Variants in BTN1A1 observed in about 807,000 individuals in gnomAD.
The protein encoded by BTN1A1 is butyrophilin subfamily 1 member A1, also known as bK14H9.2 (butyrophilin, subfamily 1, member A1).
BTN1A1 carries 26 observed loss-of-function variants against 33.1 expected under a neutral mutation model. The observed-to-expected ratio is 0.79, with a 90% confidence interval of 0.58 to 1.09. BTN1A1 has a LOEUF of 1.09. Among genes scored for constraint, BTN1A1 ranks in the 50% least tolerant of loss-of-function variants. BTN1A1 has a pLI of 0.00. For missense variants in BTN1A1, 558 were observed against 655.7 expected (o/e 0.85, Z 1.63); for synonymous variants, 235 against 256.2 (o/e 0.92, Z 0.79).
chr6:26,503,274 A>G (rs1023924133), intron 3 of BTN1A1, among the ~76,000 whole-genome samples: 5 of 152,114 alleles, frequency 3.3e-5, no homozygotes, highest in African/African-American at 9.7e-5. Context: ...ACTTTTGATC[A>G]GGATATTCAA....
At chr6:26,506,976 T>C in intron 5 of BTN1A1, 144 bp downstream of exon 5, 1 of 1,042,558 alleles carries the variant, frequency 9.6e-7, no homozygotes, top group Non-Finnish European at 1.4e-6. Context: ...ATCCCAGCGG[T>C]TTGGGAAGCC....
Position 26,508,053 on chromosome 6 carries a change from T to A in BTN1A1, c.881-8T>A. 1 of 1,612,666 alleles carries A rather than the reference T, an allele frequency of 6.2e-7. No individual in the cohort carries two copies. ...CCTGTCAATGACTATCTTTCTCTTT[T>A]GTTGCAGAATGGAAAAAGGCTACCT... On this transcript the variant is annotated splice_polypyrimidine_tract_variant and splice_region_variant and intron_variant, in intron 6 of 7. Coordinates refer to ENST00000684113, the MANE Select transcript of BTN1A1 (RefSeq NM_001732.3).
At chr6:26,502,026 A>T in intron 3 of BTN1A1, 89 bp downstream of exon 3, 5 of 1,438,080 alleles carry the variant, frequency 3.5e-6, no homozygotes, top group Non-Finnish European at 4.6e-6. Context: ...CATCAGATTC[A>T]TTCTCAAAAT....
intron 5 of BTN1A1, 59 bp downstream of exon 5, chr6:26,506,891 C>A: frequency 6.3e-7 from 1 of 1,577,200 alleles, no homozygotes. Flanking sequence ...CAGGCTGGAT[C>A]CAAGTCCTTT....
chr6:26,506,660 C>T (rs936985152), intron 4 of BTN1A1, 23 bp from the exon 5 acceptor site: 1 of 1,611,920 alleles, frequency 6.2e-7, no homozygotes, highest in Admixed American at 1.7e-5. Context: ...CAACTAATGT[C>T]CTTCTTGGGG....
chr6:26,503,752 C>T (rs1312910285), intron 3 of BTN1A1, among the ~76,000 whole-genome samples: 1 of 151,410 alleles, frequency 6.6e-6, no homozygotes, highest in Non-Finnish European at 1.5e-5. Flanking sequence ...AACAGGGTCC[C>T]CCAGTTGCAG....
In BTN1A1 at chr6:26,506,639, T is replaced by G. The variant is rs749945426; in HGVS notation, c.710-44T>G. Reference sequence around the variant, plus strand: ...GAATGTGGAGAAAAGCTGGACTTGCTCAGAATTTCTCAACTAATGTCCTTC... The same window carrying G: ...GAATGTGGAGAAAAGCTGGACTTGCGCAGAATTTCTCAACTAATGTCCTTC... On this transcript the variant is annotated intron_variant, in intron 4 of 7. Transcript: ENST00000684113. 6 of 1,603,208 alleles carry G rather than the reference T, an allele frequency of 3.7e-6. No individual in the cohort carries two copies. The Admixed American group carries it at 5.0e-5, about 13-fold the overall frequency.
rs185086503 is a variant in BTN1A1, at chr6:26,501,964, C to T, written c.427+27C>T. On this transcript the variant is annotated intron_variant, in intron 3 of 7. Transcript: ENST00000684113. This position sits in a 1 kb window ranked among gnomAD's most constrained non-coding sequence, Gnocchi z 5.2. ...TGAGTAGACGGGTTTTGACTTTCTC[C>T]GACGACTCCCCTGCTGTATACACTT... is the stretch of plus-strand genomic sequence containing the variant. 9 of 1,531,314 alleles carry T rather than the reference C, an allele frequency of 5.9e-6. No homozygotes were observed. The African/African-American group carries it at 8.3e-5, about 14-fold the overall frequency. 94.9% of individuals were successfully genotyped at this position (1,531,314 alleles called of 1,614,324 possible). A position where few individuals can be genotyped will look rare whatever the true frequency, so the allele number is the denominator to read the frequency against.
rs900557136 is a variant in BTN1A1 at position 26,501,218 on chromosome 6, T to C, written c.-57-12T>C. On this transcript the variant is annotated splice_polypyrimidine_tract_variant and intron_variant, in intron 1 of 7. Coordinates refer to ENST00000684113, the MANE Select transcript of BTN1A1 (RefSeq NM_001732.3). This position sits in a 1 kb window ranked among gnomAD's most constrained non-coding sequence, Gnocchi z 5.2. ...AGAGCCGGTAGTTGTCTCCTGTCCA[T>C]TCATCTCCTAGGCTGAAGCTCCTGA... 2 of 1,317,558 alleles carry C rather than the reference T, an allele frequency of 1.5e-6. No individual in the cohort carries two copies. The highest frequency in any genetic ancestry group is 2.2e-6 in the Non-Finnish European group (2 of 916,396). The allele number at this position is 1,317,558 out of a possible 1,614,324, so 81.6% of individuals were successfully genotyped here.
chr6:26,506,267 T>C (rs1286747679), intron 4 of BTN1A1, among the ~76,000 whole-genome samples: 1 of 152,310 alleles, frequency 6.6e-6, no homozygotes, highest in Non-Finnish European at 1.5e-5. Flanking sequence ...CCCCAGATAC[T>C]GTCTCTGGTT....
In BTN1A1 at chr6:26,501,718, G is replaced by A. The variant is rs897504820; in HGVS notation, c.208G>A (p.Val70Ile). Reference sequence around the variant, plus strand: ...GGAGCTACGCTGGTTCCGAAAGAAGGTTTCGCCGGCCGTGCTGGTGCATAG... The same window carrying A: ...GGAGCTACGCTGGTTCCGAAAGAAGATTTCGCCGGCCGTGCTGGTGCATAG... ...HLELRWFRKK[V>I]SPAVLVHRDG... Residue 70 changes from valine to isoleucine, a missense_variant, in exon 3 of 8, where the codon GTT becomes ATT. By Grantham distance (29) the Val-to-Ile change is conservative (BLOSUM62 3). Transcript: ENST00000684113. This position sits in a 1 kb window ranked among gnomAD's most constrained non-coding sequence, Gnocchi z 5.2. 6.8e-6 allele frequency: 11 copies of A among 1,613,834 alleles called. No homozygotes were observed. The highest frequency in any genetic ancestry group is 9.3e-6 in the Non-Finnish European group (11 of 1,180,036).
chr6:26,507,935 T>G lies in BTN1A1; in HGVS notation c.860-15T>G. On this transcript the variant is annotated splice_polypyrimidine_tract_variant and intron_variant, in intron 5 of 7. Coordinates refer to ENST00000684113, the MANE Select transcript of BTN1A1 (RefSeq NM_001732.3). Reference sequence around the variant, plus strand: ...ACTATAGAAAGCCATTGAGGTATTTTTGTTTGTTTTCCAGAGAGACTCCTG... The same window carrying G: ...ACTATAGAAAGCCATTGAGGTATTTGTGTTTGTTTTCCAGAGAGACTCCTG... 6.2e-7 allele frequency: 1 copy of G among 1,614,028 alleles called. No homozygotes were observed. Among genetic ancestry groups the G allele is most frequent in the Non-Finnish European group, 8.5e-7 (1 of 1,179,920 alleles).
At chr6:26,508,262 T>C (rs145855884) in intron 7 of BTN1A1, among the ~76,000 whole-genome samples, 175 bp downstream of exon 7, 93 of 152,284 alleles carry the variant, frequency 6.1e-4, no homozygotes, top group Non-Finnish European at 1.2e-3. Flanking sequence ...CCTTGGAAGA[T>C]GGCACTTCCG....
At chr6:26,507,678 T>C (rs1351518936) in intron 5 of BTN1A1, among the ~76,000 whole-genome samples, 1 of 150,738 alleles carries the variant, frequency 6.6e-6, no homozygotes, top group Non-Finnish European at 1.5e-5. Flanking sequence ...TGAGCAGAGA[T>C]TGCACCACTG....
At chr6:26,502,289 C>A (rs1365061356) in intron 3 of BTN1A1, among the ~76,000 whole-genome samples, 2 of 152,154 alleles carry the variant, frequency 1.3e-5, no homozygotes, top group African/African-American at 4.8e-5. Context: ...ATCTATAAGG[C>A]AAAGGTTGCA....
rs761895328 is a variant in BTN1A1, at chr6:26,505,203, C to T, written c.706C>T (p.Pro236Ser). Residue 236 changes from proline (P) to serine (S), a missense_variant, in exon 4 of 8, where the codon CCA becomes TCA. Transcript: ENST00000684113. Reference sequence around the variant, plus strand: ...GGAGAAGAAAGTAGAAATATCCATACCAGGTTAGTGGAACCAATGCTGCTG... The same window carrying T: ...GGAGAAGAAAGTAGAAATATCCATATCAGGTTAGTGGAACCAATGCTGCTG... ...GQEKKVEISI[P>S]ASSLPRLTPW... 1 of 1,612,542 alleles carries T rather than the reference C, an allele frequency of 6.2e-7. No individual in the cohort carries two copies. The highest frequency in any genetic ancestry group is 2.2e-5 in the East Asian group (1 of 44,868).
intron 4 of BTN1A1, among the ~76,000 whole-genome samples, chr6:26,505,782 G>C (rs566171860): frequency 9.2e-5 from 14 of 152,122 alleles, no homozygotes; most frequent in African/African-American, 3.4e-4. Context: ...CTTTGTCCCT[G>C]GAGGCCTTCC....
At chr6:26,504,482 T>TAA (rs569042977) in intron 3 of BTN1A1, among the ~76,000 whole-genome samples, 4 of 138,198 alleles carry the variant, frequency 2.9e-5, no homozygotes, top group Non-Finnish European at 4.7e-5. Flanking sequence ...CAATTTCCTT[T>TAA]AAAAAAAAAA....
chr6:26,508,174 A>AAGTGTTAGTGTTTT, intron 7 of BTN1A1, 87 bp downstream of exon 7: 2 of 1,440,464 alleles, frequency 1.4e-6, no homozygotes, highest in Non-Finnish European at 1.9e-6. Context: ...GAAAACACTA[A>AAGTGTTAGTGTTTT]CACTTTAGTG....
Sources: gnomAD v4.1 joint callset for allele counts (sites outside exome capture counted in the v4.1 genomes callset) on GRCh38, gnomAD v4.1.1 for gene constraint, Gnocchi (gnomAD v3.1) non-coding constraint, MANE v1.5 for transcripts, NCBI Gene and HGNC (gene_info 2026-07-23, HGNC 2026-07-21) for gene names.